VPS53: variants seen among roughly 807,000 people sequenced by gnomAD.
The protein encoded by VPS53 is VPS53 subunit of GARP complex.
VPS53 carries 70 observed loss-of-function variants against 107.0 expected under a neutral mutation model. The observed-to-expected ratio is 0.65, with a 90% CI of 0.54 to 0.80. VPS53 has a LOEUF of 0.80. Ranked by LOEUF, VPS53 falls within the 30% of genes least tolerant of loss-of-function variation. The pLI, the probability that VPS53 is intolerant of heterozygous loss-of-function variation, is 0.00. For synonymous variants in VPS53, 409 were observed against 393.3 expected (o/e 1.04, Z -0.47); for missense variants, 917 against 1,049.4 (o/e 0.87, Z 1.74).
chr17:599,385 CTT>C (rs1426141275), intron 12 of VPS53, among the ~76,000 whole-genome samples: 3 of 152,072 alleles, frequency 2.0e-5, no homozygotes, highest in African/African-American at 7.2e-5. Context: ...ACATGGGAGA[CTT>C]TTCATTTTGT....
intron 7 of VPS53, chr17:632,739 C>A: frequency 2.2e-6 from 1 of 456,378 alleles, no homozygotes; most frequent in Non-Finnish European, 4.4e-6. Context: ...ATGTTTAGCA[C>A]CCACATGAGT....
intron 3 of VPS53, 24 bp from the exon 4 acceptor site, chr17:697,508 A>G: frequency 6.4e-7 from 1 of 1,572,024 alleles, no homozygotes; most frequent in Non-Finnish European, 8.7e-7. Flanking sequence ...TCAAGGATAC[A>G]GTCATTCAAA....
intron 11 of VPS53, among the ~76,000 whole-genome samples, chr17:619,103 TC>T (rs1969323202): frequency 1.4e-5 from 2 of 139,052 alleles, no homozygotes. Context: ...AGCTAATATT[TC>T]CCGGGTAGCT....
rs1908949982 is a variant in VPS53 at position 524,124 on chromosome 17, C to T, written c.2086-2386G>A. Among the ~76,000 whole-genome samples the T allele has an allele frequency of 2.0e-5, 3 of 151,950 alleles. No individual in the cohort carries two copies. In the South Asian group the frequency reaches 6.2e-4, roughly 32 times the overall value. On this transcript the variant is annotated intron_variant, in intron 19 of 21. Coordinates refer to ENST00000437048, the MANE Select transcript of VPS53 (RefSeq NM_001128159.3). This position sits in a 1 kb window ranked among gnomAD's most constrained non-coding sequence, Gnocchi z 4.5. ...GACCAGCCTGGCCAACATGGAGAAA[C>T]CCCATCTCTACTAAAAATACAAAAA...
At chr17:548,846 G>T (rs566755547) in intron 17 of VPS53, among the ~76,000 whole-genome samples, 1 of 152,296 alleles carries the variant, frequency 6.6e-6, no homozygotes, top group African/African-American at 2.4e-5. Context: ...CACCCTGTTT[G>T]AACTGCCCTA....
At chr17:670,449 G>A (rs184536486) in intron 4 of VPS53, among the ~76,000 whole-genome samples, 2 of 152,310 alleles carry the variant, frequency 1.3e-5, no homozygotes, top group Admixed American at 6.5e-5. Context: ...TGGAGGAGAC[G>A]GTGAGCAGGC....
At chr17:636,381 C>T (rs929509386) in intron 7 of VPS53, among the ~76,000 whole-genome samples, 1 of 152,232 alleles carries the variant, frequency 6.6e-6, no homozygotes, top group African/African-American at 2.4e-5. Flanking sequence ...ATTTGACTTC[C>T]TCTTTTCCTA....
chr17:623,920 T>C (rs887898107), intron 10 of VPS53, among the ~76,000 whole-genome samples: 3 of 151,012 alleles, frequency 2.0e-5, no homozygotes, highest in Non-Finnish European at 4.4e-5. Context: ...TATATACTTA[T>C]ATTTATTTGT....
At chr17:644,165 A>G (rs1259375246) in intron 7 of VPS53, among the ~76,000 whole-genome samples, 2 of 152,240 alleles carry the variant, frequency 1.3e-5, no homozygotes, top group Non-Finnish European at 2.9e-5. Context: ...CTTTCCTCCA[A>G]TGCTACATTA....
chr17:674,909 A>G (rs1972095002), intron 4 of VPS53: 1 of 152,270 alleles, frequency 6.6e-6, no homozygotes, highest in Non-Finnish European at 1.5e-5. Flanking sequence ...AACAGCATCT[A>G]CGTGGCCTAA....
chr17:610,745 G>A lies in VPS53; in HGVS notation c.1117-8849C>T, dbSNP rs1462612313. 3.0e-5 allele frequency among the ~76,000 whole-genome samples: 4 copies of A among 132,486 alleles called. No individual in the cohort carries two copies. In the East Asian group the frequency reaches 8.4e-4, roughly 28 times the overall value. 86.9% of individuals were successfully genotyped at this position (132,486 alleles called of 152,430 possible). The stretch of plus-strand genomic sequence containing the variant: ...AGCCTGGCCAACACGGCAAAACCCC[G>A]CCTCTACTAAAAAAAAAAAAAAAAA... On this transcript the variant is annotated intron_variant, in intron 11 of 21. Transcript: ENST00000437048.
chr17:572,620 G>A (rs1914271614), intron 13 of VPS53, among the ~76,000 whole-genome samples: 1 of 151,812 alleles, frequency 6.6e-6, no homozygotes, highest in African/African-American at 2.4e-5. Flanking sequence ...TGAGAAATCG[G>A]ATGGTTGCCG....
At chr17:576,843 C>T (rs1050194207) in intron 13 of VPS53, among the ~76,000 whole-genome samples, 8 of 151,576 alleles carry the variant, frequency 5.3e-5, no homozygotes, top group Admixed American at 5.3e-4. Flanking sequence ...CCCTCAGAAC[C>T]TCAGTGCATT....
intron 4 of VPS53, among the ~76,000 whole-genome samples, chr17:695,722 T>C (rs2143899354): frequency 6.6e-6 from 1 of 152,220 alleles, no homozygotes. Flanking sequence ...CCAGCTAATT[T>C]TGTACTTTTT....
In VPS53 at chr17:702,316, T is replaced by C. The variant is rs1973229982; in HGVS notation, c.169-2936A>G. Among the ~76,000 whole-genome samples the C allele has an allele frequency of 2.0e-5, 3 of 151,946 alleles. No homozygotes were observed. In the South Asian group the frequency reaches 6.3e-4, roughly 32 times the overall value. ...GCACAGTGAGCTGTGATGGAGCCAC[T>C]GAACTGTAGCCTGGGTGATGGGTGA... On this transcript the variant is annotated intron_variant, in intron 2 of 21. Transcript: ENST00000437048.
chr17:624,979 T>C (rs1969630965), intron 10 of VPS53, among the ~76,000 whole-genome samples: 1 of 126,922 alleles, frequency 7.9e-6, no homozygotes, highest in Non-Finnish European at 1.6e-5. Context: ...CTTCCTTCTC[T>C]GTCTTTCTCT....
At chr17:620,799 G>T (rs1332017617) in intron 11 of VPS53, among the ~76,000 whole-genome samples, 1 of 151,850 alleles carries the variant, frequency 6.6e-6, no homozygotes, top group Admixed American at 6.6e-5. Flanking sequence ...GTCGTGATGG[G>T]GTTTTGTCAC....
intron 19 of VPS53, among the ~76,000 whole-genome samples, chr17:527,701 ACTCCTTGG>A (rs1231147344): frequency 6.6e-6 from 1 of 151,850 alleles, no homozygotes; most frequent in Non-Finnish European, 1.5e-5. Context: ...GCAACCTTGA[ACTCCTTGG>A]CTCAACTGAT....
intron 12 of VPS53, among the ~76,000 whole-genome samples, chr17:592,816 G>A (rs904769114): frequency 4.6e-5 from 7 of 152,070 alleles, no homozygotes; most frequent in Admixed American, 2.0e-4. Flanking sequence ...GGCTGCCCCT[G>A]ACATTTTTTC....
Sources: allele counts gnomAD v4.1 joint callset (sites outside exome capture counted in the v4.1 genomes callset), GRCh38; gene constraint gnomAD v4.1.1; non-coding constraint Gnocchi (gnomAD v3.1); transcripts MANE v1.5; gene names NCBI Gene and HGNC (gene_info 2026-07-23, HGNC 2026-07-21).